TSPAN19: variants seen among roughly 807,000 people sequenced by gnomAD.
The protein encoded by TSPAN19 is tetraspanin-19.
Under a neutral mutation model 35.1 loss-of-function variants are expected in TSPAN19, and 44 were observed. The ratio of observed to expected loss-of-function variants is 1.25; its 90% CI spans 0.98 to 1.61. The LOEUF (loss-of-function observed/expected upper bound fraction) is 1.61, where lower values mean the gene tolerates loss of function less well. TSPAN19 is among the 40% of genes most tolerant of loss of function. The pLI, the probability that TSPAN19 is intolerant of heterozygous loss-of-function variation, is 0.00. For synonymous variants in TSPAN19, 79 were observed against 92.0 expected (o/e 0.86, Z 0.81); for missense variants, 290 against 280.0 (o/e 1.04, Z -0.26).
chr12:85,014,389 G>A lies in TSPAN19; in HGVS notation c.*98C>T. On this transcript the variant is annotated 3_prime_UTR_variant, in exon 9 of 9. Coordinates refer to ENST00000532498, the MANE Select transcript of TSPAN19 (RefSeq NM_001100917.2). ...TATAATTAATAATTTGAATACATCT[G>A]TTATTTAATACAATTCAAAACGTTT... is the stretch of plus-strand genomic sequence containing the variant. The A allele has an allele frequency of 1.3e-6, 1 of 749,398 alleles. No homozygotes were observed. Among genetic ancestry groups the A allele is most frequent in the South Asian group, 1.9e-5 (1 of 52,296 alleles). The allele number at this position is 749,398 out of a possible 1,614,324, so 46.4% of individuals were successfully genotyped here.
At chr12:85,022,195 C>G (rs556978540) in intron 5 of TSPAN19, among the ~76,000 whole-genome samples, 1 of 151,798 alleles carries the variant, frequency 6.6e-6, no homozygotes, top group Non-Finnish European at 1.5e-5. Flanking sequence ...AGCTAACATA[C>G]CTTTAAAACT....
At chr12:85,033,975 G>A (rs750563252) in intron 1 of TSPAN19, among the ~76,000 whole-genome samples, 50 of 152,078 alleles carry the variant, frequency 3.3e-4, no homozygotes, top group Non-Finnish European at 6.8e-4. Flanking sequence ...TTATACAAGA[G>A]TCATGCATGT....
chr12:85,016,269 G>C, intron 7 of TSPAN19: 1 of 215,630 alleles, frequency 4.6e-6, no homozygotes, highest in South Asian at 1.1e-4. Flanking sequence ...GGATACAGTA[G>C]TTTCCCTACT....
chr12:85,017,101 C>G, intron 7 of TSPAN19: 1 of 210,474 alleles, frequency 4.8e-6, no homozygotes, highest in Non-Finnish European at 9.3e-6. Flanking sequence ...TATTCTTTTA[C>G]TCCTGGTGTT....
chr12:85,019,673 GCTTAT>G lies in TSPAN19; in HGVS notation c.398_402del (p.Asp133AlafsTer2). On this transcript the variant is annotated frameshift_variant, in exon 6 of 9. Coordinates refer to ENST00000532498, the MANE Select transcript of TSPAN19 (RefSeq NM_001100917.2). LOFTEE classifies it high-confidence loss of function. ...ATAGTCCACTTGGTTATATCTTCAG[GCTTAT>G]CTTTAGATCCATACTCAGAAATGAC... 6.2e-7 allele frequency: 1 copy of G among 1,609,502 alleles called. No individual in the cohort carries two copies. Among genetic ancestry groups the G allele is most frequent in the Non-Finnish European group, 8.5e-7 (1 of 1,177,410 alleles).
At chr12:85,028,952 C>G (rs1877554582) in intron 3 of TSPAN19, among the ~76,000 whole-genome samples, 1 of 152,106 alleles carries the variant, frequency 6.6e-6, no homozygotes, top group South Asian at 2.1e-4. Context: ...CTTTATTGGT[C>G]ATTGTAAATA....
intron 6 of TSPAN19, among the ~76,000 whole-genome samples, chr12:85,018,494 T>C (rs1876939444): frequency 6.6e-6 from 1 of 151,890 alleles, no homozygotes; most frequent in South Asian, 2.1e-4. Flanking sequence ...ACAGAATTGT[T>C]TCCTCATCAT....
intron 1 of TSPAN19, among the ~76,000 whole-genome samples, chr12:85,035,894 C>T (rs1877978221): frequency 1.3e-5 from 2 of 152,020 alleles, no homozygotes; most frequent in African/African-American, 4.8e-5. Context: ...TTTTGATGGG[C>T]ATTGATTGAT....
At chr12:85,019,856 T>G (rs1055790753) in intron 5 of TSPAN19, 120 bp from the exon 6 acceptor site, 2 of 559,260 alleles carry the variant, frequency 3.6e-6, no homozygotes, top group Non-Finnish European at 6.2e-6. Context: ...TATTTTTCTG[T>G]TTTCTGTTTA....
Position 85,023,374 on chromosome 12 carries a change from A to G in TSPAN19, c.291T>C (p.Phe97=). 6.3e-7 allele frequency: 1 copy of G among 1,588,220 alleles called. No individual in the cohort carries two copies. Among genetic ancestry groups the G allele is most frequent in the Non-Finnish European group, 8.6e-7 (1 of 1,166,166 alleles). The change falls in exon 5 of 9, where the codon TTT becomes TTC. Residue 97 remains phenylalanine (F), a synonymous_variant. Coordinates refer to ENST00000532498, the MANE Select transcript of TSPAN19 (RefSeq NM_001100917.2). ...IVYAVLITWT[F]AVQVVLSAFI... ...ATGCTGAAAGTACAACCTGAACAGC[A>G]AAGGTCCATGTTATCAATACTGCAT...
In TSPAN19 at chr12:85,017,493, C is replaced by T. The variant is rs373079709; in HGVS notation, c.557G>A (p.Trp186Ter). ...TGCATTCAGTGGCTCATCACAAAAC[C>T]ATTTTCTTAAAGTTGACTTTGTGCA... ...CSCTKSTLRK[W>*]FCDEPLNATY... Residue 186 changes from tryptophan (W) to a stop codon, truncating the protein, a stop_gained, in exon 7 of 9, where the codon TGG (tryptophan) becomes TAG (stop). Transcript: ENST00000532498. LOFTEE classifies it high-confidence loss of function. 3.4e-5 allele frequency: 55 copies of T among 1,608,664 alleles called. No individual in the cohort carries two copies. The highest frequency in any genetic ancestry group is 3.3e-4 in the Middle Eastern group (2 of 6,060).
rs1349283517 is a variant in TSPAN19 at position 85,018,564 on chromosome 12, A to G, written c.451-965T>C. On this transcript the variant is annotated intron_variant, in intron 6 of 8. Transcript: ENST00000532498. ...AAGTTGTAATGCAGTTTGAAAATACAATACATGTACGGATCACATACATAA... is the reference window on the plus strand; with the variant it reads ...AAGTTGTAATGCAGTTTGAAAATACGATACATGTACGGATCACATACATAA... Among the ~76,000 whole-genome samples the G allele has an allele frequency of 3.3e-5, 5 of 151,970 alleles. No individual in the cohort carries two copies. The East Asian group carries it at 7.7e-4, about 23-fold the overall frequency.
intron 4 of TSPAN19, chr12:85,024,777 A>C (rs1877312245): frequency 6.8e-6 from 1 of 146,978 alleles, no homozygotes; most frequent in Non-Finnish European, 1.5e-5. Context: ...CTCCACCTCA[A>C]AAAAAAAAAA....
rs777397061 is a variant in TSPAN19 at position 85,018,453 on chromosome 12, TG to T, written c.451-855del. Among the ~76,000 whole-genome samples the T allele has an allele frequency of 3.3e-5, 5 of 152,012 alleles. No individual in the cohort carries two copies. The East Asian group carries it at 9.7e-4, about 29-fold the overall frequency. The stretch of plus-strand genomic sequence containing the variant: ...ATATTAATGGCTAGGAATTGAAAGC[TG>T]GAATTTCACTAATAGTAGTGATATG... On this transcript the variant is annotated intron_variant, in intron 6 of 8. Transcript: ENST00000532498.
chr12:85,025,945 A>G (rs1009279090), intron 4 of TSPAN19, among the ~76,000 whole-genome samples: 4 of 152,214 alleles, frequency 2.6e-5, no homozygotes, highest in African/African-American at 7.2e-5. Flanking sequence ...GGAGAATAGC[A>G]AAAGTGTCAC....
intron 8 of TSPAN19, chr12:85,015,687 C>T (rs1486731922): frequency 1.6e-5 from 7 of 443,970 alleles, no homozygotes; most frequent in Non-Finnish European, 2.8e-5. Flanking sequence ...TCACTACCTC[C>T]AGGATGACCA....
chr12:85,030,205 C>T (rs1311612028), intron 1 of TSPAN19, among the ~76,000 whole-genome samples: 1 of 152,072 alleles, frequency 6.6e-6, no homozygotes, highest in Non-Finnish European at 1.5e-5. Flanking sequence ...ATCTGCAATG[C>T]TTTGACTAGG....
At chr12:85,033,730 G>A (rs1383849545) in intron 1 of TSPAN19, among the ~76,000 whole-genome samples, 2 of 152,086 alleles carry the variant, frequency 1.3e-5, no homozygotes, top group Non-Finnish European at 2.9e-5. Context: ...AAATGGCAGA[G>A]ATGAGATTTA....
At chr12:85,023,793 C>T (rs1165369838) in intron 4 of TSPAN19, among the ~76,000 whole-genome samples, 2 of 152,078 alleles carry the variant, frequency 1.3e-5, no homozygotes, top group Non-Finnish European at 2.9e-5. Context: ...GAAAGTAGAA[C>T]GTATAACAAA....
Sources: allele counts gnomAD v4.1 joint callset (sites outside exome capture counted in the v4.1 genomes callset), GRCh38; gene constraint gnomAD v4.1.1; transcripts MANE v1.5; gene names NCBI Gene and HGNC (gene_info 2026-07-23, HGNC 2026-07-21).